PRIM2: variants seen among roughly 807,000 people sequenced by gnomAD.
PRIM2 encodes the protein DNA primase subunit 2.
In PRIM2, 39 loss-of-function variants were observed where a neutral mutation model predicts 67.3. The observed-to-expected ratio is 0.58, with a 90% CI of 0.45 to 0.76. The LOEUF is 0.76. PRIM2 is among the 30% of genes least tolerant of loss of function. PRIM2 has a pLI of 0.00. For missense variants in PRIM2, 398 were observed against 598.7 expected (o/e 0.66, Z 3.50); for synonymous variants, 143 against 198.7 (o/e 0.72, Z 2.36).
At chr6:57,529,825 G>GAA (rs1774848451) in intron 8 of PRIM2, among the ~76,000 whole-genome samples, 1 of 152,114 alleles carries the variant, frequency 6.6e-6, no homozygotes, top group South Asian at 2.1e-4. Context: ...CTGAAATTGG[G>GAA]TAATTTATAA....
chr6:57,313,225 T>G (rs1767420960), upstream of PRIM2, among the ~76,000 whole-genome samples: 1 of 152,208 alleles, frequency 6.6e-6, no homozygotes, highest in Admixed American at 6.5e-5. Flanking sequence ...TTTCTAAAAT[T>G]TCATTATCTC....
chr6:57,338,464 A>T (rs2127291055), intron 5 of PRIM2, among the ~76,000 whole-genome samples: 1 of 150,976 alleles, frequency 6.6e-6, no homozygotes, highest in African/African-American at 2.4e-5. Flanking sequence ...CCTCAATAAA[A>T]TACTGGCAAA....
intron 8 of PRIM2, among the ~76,000 whole-genome samples, chr6:57,512,796 C>G (rs1774398827): frequency 1.3e-5 from 2 of 152,040 alleles, no homozygotes; most frequent in African/African-American, 2.4e-5. Flanking sequence ...GGGGTTTCAT[C>G]ATGTTGGCCA....
At chr6:57,332,403 T>C (rs1768081803) in intron 5 of PRIM2, among the ~76,000 whole-genome samples, 1 of 152,158 alleles carries the variant, frequency 6.6e-6, no homozygotes, top group Non-Finnish European at 1.5e-5. Context: ...TATAGTGCTT[T>C]TCAAAGCTTC....
chr6:57,358,354 T>C (rs4487580), intron 5 of PRIM2, among the ~76,000 whole-genome samples: 1 of 152,214 alleles, frequency 6.6e-6, no homozygotes, highest in Non-Finnish European at 1.5e-5. Flanking sequence ...AATCTTGATT[T>C]GGTAGATGCT....
intron 7 of PRIM2, among the ~76,000 whole-genome samples, chr6:57,475,232 A>ACT (rs1773447868): frequency 6.6e-6 from 1 of 152,244 alleles, no homozygotes. Context: ...CACATATCAT[A>ACT]CAATTACTCA....
the PRIM2 span, among the ~76,000 whole-genome samples, chr6:57,227,227 C>T: frequency 6.6e-6 from 1 of 152,154 alleles, no homozygotes; most frequent in Admixed American, 6.5e-5. Context: ...AATAAGGAAA[C>T]GTCTGTGTGA....
intron 8 of PRIM2, among the ~76,000 whole-genome samples, chr6:57,527,852 A>G (rs1749900127): frequency 6.6e-6 from 1 of 152,128 alleles, no homozygotes; most frequent in South Asian, 2.1e-4. Context: ...CCTAATTCTG[A>G]TACTTAACAT....
chr6:57,589,100 T>A (rs1776242323), intron 10 of PRIM2, among the ~76,000 whole-genome samples: 1 of 152,158 alleles, frequency 6.6e-6, no homozygotes, highest in Non-Finnish European at 1.5e-5. Context: ...GAAATAGTGG[T>A]CCATTTAGTT....
chr6:57,552,338 G>C (rs1775421451), intron 10 of PRIM2, among the ~76,000 whole-genome samples: 2 of 151,960 alleles, frequency 1.3e-5, no homozygotes, highest in Admixed American at 1.3e-4. Context: ...AAGGTACCAG[G>C]CTCTGTCTGT....
chr6:57,366,650 A>T lies in PRIM2; in HGVS notation c.460-13251A>T, dbSNP rs545213181. 1.2e-4 allele frequency among the ~76,000 whole-genome samples: 18 copies of T among 152,240 alleles called. 1 individual carries two copies. The highest frequency in any genetic ancestry group is 1.8e-4 in the Non-Finnish European group (12 of 68,012). Reference sequence around the variant, plus strand: ...AAGTGGATGTTGTGATGTCGACAAGATTTGGATTTGGACCGTGCCTGTTCC... The same window carrying T: ...AAGTGGATGTTGTGATGTCGACAAGTTTTGGATTTGGACCGTGCCTGTTCC... On this transcript the variant is annotated intron_variant, in intron 5 of 13. Coordinates refer to ENST00000615550, the MANE Select transcript of PRIM2 (RefSeq NM_000947.5).
the PRIM2 span, among the ~76,000 whole-genome samples, chr6:57,226,021 G>A: frequency 6.6e-6 from 1 of 152,008 alleles, no homozygotes; most frequent in African/African-American, 2.4e-5. Context: ...CTATAGTAAG[G>A]AGTTACCCAC....
At chr6:57,610,133 A>G (rs1317300855) in intron 12 of PRIM2, among the ~76,000 whole-genome samples, 1 of 152,156 alleles carries the variant, frequency 6.6e-6, no homozygotes, top group African/African-American at 2.4e-5. Flanking sequence ...CAATGGCGCA[A>G]TCTCGGCTCA....
intron 7 of PRIM2, among the ~76,000 whole-genome samples, chr6:57,499,958 A>G (rs1774095975): frequency 2.6e-5 from 4 of 152,296 alleles, no homozygotes; most frequent in Admixed American, 2.6e-4. Flanking sequence ...ATCCATATAT[A>G]TTTAGTTACC....
chr6:57,638,576 C>CAAAAAAAAAAAAAAAA (rs1227220865), intron 13 of PRIM2, among the ~76,000 whole-genome samples: 30 of 31,954 alleles, frequency 9.4e-4, no homozygotes, highest in African/African-American at 1.1e-3. Flanking sequence ...AAACAGAAAG[C>CAAAAAAAAAAAAAAAA]AAAAAAAAAA....
At chr6:57,606,213 A>T (rs2127492888) in intron 11 of PRIM2, among the ~76,000 whole-genome samples, 162 bp from the exon 12 acceptor site, 1 of 152,342 alleles carries the variant, frequency 6.6e-6, no homozygotes, top group Admixed American at 6.5e-5. Context: ...GTAATCATTT[A>T]GATAAAAAGA....
chr6:57,253,291 T>C, the PRIM2 span, among the ~76,000 whole-genome samples: 1 of 152,308 alleles, frequency 6.6e-6, no homozygotes, highest in East Asian at 1.9e-4. Flanking sequence ...ATTTAGAGAA[T>C]GATCTCAGAG....
chr6:57,322,676 G>T (rs1346645851), intron 3 of PRIM2, among the ~76,000 whole-genome samples: 1 of 152,074 alleles, frequency 6.6e-6, no homozygotes, highest in African/African-American at 2.4e-5. Context: ...CCTTTTATGG[G>T]TTTACTCAGT....
chr6:57,298,870 C>T, the PRIM2 span, among the ~76,000 whole-genome samples: 3 of 152,112 alleles, frequency 2.0e-5, no homozygotes, highest in Non-Finnish European at 2.9e-5. Flanking sequence ...CTCCTCTCTG[C>T]CGGCCTTGCT....
Sources: gnomAD v4.1 joint callset for allele counts (sites outside exome capture counted in the v4.1 genomes callset) on GRCh38, gnomAD v4.1.1 for gene constraint, MANE v1.5 for transcripts, NCBI Gene and HGNC (gene_info 2026-07-23, HGNC 2026-07-21) for gene names.